The following TYK2 variants were observed in gnomAD, a reference collection of about 807,000 sequenced individuals.
The protein encoded by TYK2 is non-receptor tyrosine-protein kinase TYK2.
In TYK2, 65 loss-of-function variants were observed where a neutral mutation model predicts 130.9. The observed-to-expected ratio is 0.50, with a 90% confidence interval of 0.41 to 0.61. The LOEUF (loss-of-function observed/expected upper bound fraction) is 0.61. TYK2 is among the 20% of genes least tolerant of loss of function. TYK2 has a pLI of 0.00. For missense variants in TYK2, 1,378 were observed against 1,610.7 expected (o/e 0.86, Z 2.47); for synonymous variants, 647 against 658.9 (o/e 0.98, Z 0.28).
chr19:10,372,917 G>A (rs2041977367), intron 3 of TYK2, among the ~76,000 whole-genome samples: 1 of 151,934 alleles, frequency 6.6e-6, no homozygotes, highest in Non-Finnish European at 1.5e-5. Flanking sequence ...AGACTGGAGT[G>A]CAATGTTGCA....
chr19:10,377,623 G>A, intron 3 of TYK2, among the ~76,000 whole-genome samples: 1 of 100,224 alleles, frequency 1.0e-5, no homozygotes, highest in Non-Finnish European at 2.0e-5. Flanking sequence ...TGGATGGGTG[G>A]ATGGGTGGGT....
intron 17 of TYK2, chr19:10,357,550 T>G (rs1303263854): frequency 2.7e-6 from 2 of 736,214 alleles, no homozygotes; most frequent in East Asian, 2.7e-5. Flanking sequence ...AGTCTCTTAC[T>G]TGCCTTCTGT....
At chr19:10,372,482 A>T (rs761805111) in intron 3 of TYK2, among the ~76,000 whole-genome samples, 3,823 of 53,412 alleles carry the variant, frequency 0.072, 231 homozygotes, top group African/African-American at 0.092. Flanking sequence ...ATATATATAT[A>T]TATTTTTTTT....
In TYK2 at chr19:10,356,695, C is replaced by T. The variant is rs1300756547; in HGVS notation, c.2490G>A (p.Gln830=). Residue 830 remains glutamine, a synonymous_variant, in exon 18 of 25, where the codon CAG becomes CAA. Transcript: ENST00000525621. ...PSEKEHFYQR[Q]HRLPEPSCPQ... ...GGCAGGAGGGCTCGGGCAGCCGGTG[C>T]TGCCTCTGGTAGAAATGCTCCTTCT... 6.2e-7 allele frequency: 1 copy of T among 1,610,538 alleles called. No individual in the cohort carries two copies.
chr19:10,365,938 G>C (rs1350812086), intron 6 of TYK2, 40 bp from the exon 7 acceptor site: 6 of 1,560,924 alleles, frequency 3.8e-6, no homozygotes, highest in Middle Eastern at 4.0e-4. Context: ...AGGGACCTGG[G>C]TTGCAGGCCC....
chr19:10,358,659 C>T (rs1265770752), intron 15 of TYK2, among the ~76,000 whole-genome samples: 1 of 152,080 alleles, frequency 6.6e-6, no homozygotes, highest in African/African-American at 2.4e-5. Context: ...TTTTGCCATA[C>T]TGGCCAGGCT....
Position 10,353,292 on chromosome 19 carries a change from G to T in TYK2, c.3028-194C>A. ...CCAGAAAGCAGGGACGGGGCTAGAC[G>T]AGCAAAGCTGGGCAGGAGGGCGAGT... On this transcript the variant is annotated intron_variant, in intron 21 of 24. Coordinates refer to ENST00000525621, the MANE Select transcript of TYK2 (RefSeq NM_003331.5). This position sits in a 1 kb window ranked among gnomAD's most constrained non-coding sequence, Gnocchi z 6.9. 3 of 583,078 alleles carry T rather than the reference G, an allele frequency of 5.1e-6. No homozygotes were observed. The allele number at this position is 583,078 out of a possible 1,614,324, so 36.1% of individuals were successfully genotyped here.
rs765740248 is a variant in TYK2, at chr19:10,361,859, C to T, written c.1870G>A (p.Glu624Lys). Residue 624 changes from glutamate (E) to lysine (K), a missense_variant, in exon 13 of 25, where the codon GAG becomes AAG. Physicochemically the swap from Glu to Lys is moderately conservative, Grantham distance 56 (BLOSUM62 1). Transcript: ENST00000525621. This position sits in a 1 kb window ranked among gnomAD's most constrained non-coding sequence, Gnocchi z 4.0. ...GDPEEGKMDD[E>K]DPLVPGRDRG... ...TCCCTGCCAGGCACGAGGGGGTCCT[C>T]GTCATCCATCTTGCCCTCCTCAGGG... The T allele has an allele frequency of 2.5e-5, 41 of 1,613,940 alleles. No individual in the cohort carries two copies. The highest frequency in any genetic ancestry group is 3.2e-5 in the Non-Finnish European group (38 of 1,180,004).
intron 3 of TYK2, among the ~76,000 whole-genome samples, chr19:10,372,479 T>TG (rs2041954124): frequency 1.4e-5 from 1 of 71,994 alleles, no homozygotes; most frequent in Non-Finnish European, 2.6e-5. Flanking sequence ...TATATATATA[T>TG]ATATATTTTT....
chr19:10,359,203 T>A lies in TYK2; in HGVS notation c.2147A>T (p.Gln716Leu). ...GTAGCTGAGGGCGCTGGCCAGCTGC[T>A]GGGCCACCACCATCTTCCAAGCCAT... ...VPMAWKMVVA[Q>L]QLASALSYLE... The change falls in exon 15 of 25, where the codon CAG (glutamine) becomes CTG (leucine). Residue 716 changes from glutamine to leucine, a missense_variant. Transcript: ENST00000525621. The A allele has an allele frequency of 1.2e-6, 2 of 1,606,712 alleles. No homozygotes were observed. The highest frequency in any genetic ancestry group is 2.2e-5 in the South Asian group (2 of 91,024).
chr19:10,370,957 G>A (rs2041885126), intron 3 of TYK2, among the ~76,000 whole-genome samples: 1 of 151,802 alleles, frequency 6.6e-6, no homozygotes, highest in Non-Finnish European at 1.5e-5. Context: ...AAGCAACATA[G>A]TGAGACCCCT....
At chr19:10,372,941 G>A (rs1419148540) in intron 3 of TYK2, among the ~76,000 whole-genome samples, 5 of 151,846 alleles carry the variant, frequency 3.3e-5, no homozygotes, top group African/African-American at 9.7e-5. Flanking sequence ...TTGGTTCACC[G>A]CAACTTCTGC....
At chr19:10,366,618 A>G in intron 5 of TYK2, 38 bp from the exon 6 acceptor site, 1 of 1,613,150 alleles carries the variant, frequency 6.2e-7, no homozygotes, top group South Asian at 1.1e-5. Flanking sequence ...GAGGTGTGAG[A>G]ATGCGTTCCT....
rs898207480 is a variant in TYK2, at chr19:10,376,007, CTTTTTTTT to C, written c.193+2199_193+2206del. On this transcript the variant is annotated intron_variant, in intron 3 of 24. Transcript: ENST00000525621. ...GCAGGAGGAGGGAAAGCCTTTCTTT[CTTTTTTTT>C]TTTTTTTTTTCTTTGAGATGGAGTT... Among the ~76,000 whole-genome samples, 400 of 134,626 alleles carry C rather than the reference CTTTTTTTT, an allele frequency of 3.0e-3. 4 individuals are homozygous for C. Among genetic ancestry groups the C allele is most frequent in the African/African-American group, 0.01 (383 of 37,194 alleles). The allele number at this position is 134,626 out of a possible 152,430, so 88.3% of individuals were successfully genotyped here.
intron 18 of TYK2, among the ~76,000 whole-genome samples, chr19:10,355,585 G>C (rs1045028261): frequency 1.4e-5 from 2 of 146,066 alleles, no homozygotes; most frequent in African/African-American, 5.1e-5. Context: ...GGTTGCAGTG[G>C]GCCGAGATCG....
At position 10,354,187 on chromosome 19, in the gene TYK2, G is replaced by A. The variant is rs751960997; in HGVS notation, c.2763C>T (p.Asp921=). The change falls in exon 20 of 25, where the codon GAC becomes GAT. Residue 921 remains aspartate (D), a synonymous_variant. Transcript: ENST00000525621. ...VSLYCYDPTN[D]GTGEMVAVKA... ...TCACCGCCACCATCTCGCCAGTGCC[G>A]TCGTTGGTCGGATCGTAGCAGTACA... 1.7e-5 allele frequency: 27 copies of A among 1,613,638 alleles called. No individual in the cohort carries two copies. The highest frequency in any genetic ancestry group is 2.7e-5 in the African/African-American group (2 of 74,944).
In TYK2 at chr19:10,361,305, T is replaced by C. The variant is rs956505720; in HGVS notation, c.2047+206A>G. The C allele has an allele frequency of 3.1e-6, 2 of 636,516 alleles. No homozygotes were observed. The highest frequency in any genetic ancestry group is 5.7e-6 in the Non-Finnish European group (2 of 350,738). The allele number at this position is 636,516 out of a possible 1,614,324, so 39.4% of individuals were successfully genotyped here. A position where few individuals can be genotyped will look rare whatever the true frequency, so the allele number is the denominator to read the frequency against. Reference sequence around the variant, plus strand: ...TGAGGGCAGGTGAGGGTCGACGTGTTGGGATGTAAGTTATGGGCTGGAATA... The same window carrying C: ...TGAGGGCAGGTGAGGGTCGACGTGTCGGGATGTAAGTTATGGGCTGGAATA... On this transcript the variant is annotated intron_variant, in intron 14 of 24. Transcript: ENST00000525621. The surrounding 1 kb of genome is among the most constrained non-coding windows in gnomAD (Gnocchi z 4.0).
At chr19:10,370,765 C>T (rs754941383) in intron 3 of TYK2, among the ~76,000 whole-genome samples, 11 of 151,894 alleles carry the variant, frequency 7.2e-5, no homozygotes, top group African/African-American at 1.5e-4. Flanking sequence ...TGCAGTGAGC[C>T]GAGATCACGC....
chr19:10,370,163 A>G (rs2041852731), intron 3 of TYK2, among the ~76,000 whole-genome samples: 1 of 151,808 alleles, frequency 6.6e-6, no homozygotes, highest in South Asian at 2.1e-4. Context: ...GGAGTTCGAG[A>G]CCAGCGTGGC....
Sources: gnomAD v4.1 joint callset for allele counts (sites outside exome capture counted in the v4.1 genomes callset) on GRCh38, gnomAD v4.1.1 for gene constraint, Gnocchi (gnomAD v3.1) non-coding constraint, MANE v1.5 for transcripts, NCBI Gene and HGNC (gene_info 2026-07-23, HGNC 2026-07-21) for gene names.